Variants in HSH2D observed in about 807,000 individuals in gnomAD.
The protein encoded by HSH2D is hematopoietic SH2 domain containing, also known as hematopoietic SH2 domain-containing protein.
In HSH2D, 16 loss-of-function variants were observed where a neutral mutation model predicts 21.5. The ratio of observed to expected loss-of-function variants is 0.74; its 90% CI spans 0.50 to 1.13. The LOEUF (loss-of-function observed/expected upper bound fraction) is 1.13, where lower values mean the gene tolerates loss of function less well. HSH2D is among the 50% of genes most tolerant of loss of function. The probability of loss-of-function intolerance (pLI) is 0.00; values close to 1 mark genes in which losing one functional copy is unlikely to be tolerated. For synonymous variants in HSH2D, 172 were observed against 184.7 expected (o/e 0.93, Z 0.56); for missense variants, 418 against 441.4 (o/e 0.95, Z 0.47).
intron 1 of HSH2D, among the ~76,000 whole-genome samples, chr19:16,137,524 C>T (rs2090972042): frequency 6.6e-6 from 1 of 151,184 alleles, no homozygotes. Context: ...TTGCAATGAA[C>T]CTAGATCATG....
chr19:16,140,641 T>TA (rs1223851641), upstream of HSH2D, among the ~76,000 whole-genome samples: 4 of 151,938 alleles, frequency 2.6e-5, no homozygotes, highest in Admixed American at 2.6e-4. Context: ...CTGACACCTG[T>TA]AATCCTAACA....
chr19:16,137,396 C>T (rs758312712), intron 1 of HSH2D, among the ~76,000 whole-genome samples: 4 of 151,832 alleles, frequency 2.6e-5, no homozygotes, highest in Non-Finnish European at 5.9e-5. Flanking sequence ...GGGAGGCCGA[C>T]GTGGGTGGAT....
At position 16,157,438 on chromosome 19, in the gene HSH2D, G is replaced by A; in HGVS notation, c.703G>A (p.Asp235Asn). ...LATVNLSSLL[D>N]VRRSTVISGP... is the part of the protein sequence containing the mutation. The stretch of plus-strand genomic sequence containing the variant: ...CACTGTGAACTTGTCGTCACTCTTG[G>A]ATGTCCGGAGATCCACGGTGATCTC... Residue 235 changes from aspartate (D) to asparagine (N), a missense_variant, in exon 6 of 6, where the codon GAT becomes AAT. Physicochemically the swap from Asp to Asn is conservative, Grantham distance 23 (BLOSUM62 1). Coordinates refer to ENST00000613986, the MANE Select transcript of HSH2D (RefSeq NM_001382417.1). This position sits in a 1 kb window ranked among gnomAD's most constrained non-coding sequence, Gnocchi z 4.4. 1 of 1,613,900 alleles carries A rather than the reference G, an allele frequency of 6.2e-7. No individual in the cohort carries two copies. The highest frequency in any genetic ancestry group is 8.5e-7 in the Non-Finnish European group (1 of 1,179,878).
At position 16,148,547 on chromosome 19, in the gene HSH2D, A is replaced by C. The variant is rs148869448; in HGVS notation, c.-27-177A>C. ...GCAATCCTCCCACCTTGGCCTCCCA[A>C]AGTGCTGGGATTACACATGTGAGCC... On this transcript the variant is annotated intron_variant, in intron 1 of 5. Coordinates refer to ENST00000613986, the MANE Select transcript of HSH2D (RefSeq NM_001382417.1). Among the ~76,000 whole-genome samples the C allele has an allele frequency of 1.2e-3, 176 of 152,262 alleles. 3 individuals carry two copies. In the East Asian group the frequency reaches 0.029, roughly 25 times the overall value.
chr19:16,145,431 T>G (rs2091054744), intron 1 of HSH2D, among the ~76,000 whole-genome samples: 1 of 152,120 alleles, frequency 6.6e-6, no homozygotes, highest in African/African-American at 2.4e-5. Flanking sequence ...CAGGCTGGTC[T>G]CAAACTCCCA....
intron 1 of HSH2D, among the ~76,000 whole-genome samples, chr19:16,137,585 A>G (rs1211494706): frequency 2.0e-5 from 3 of 151,244 alleles, no homozygotes; most frequent in Non-Finnish European, 4.4e-5. Flanking sequence ...TCAAAAAAAA[A>G]AAAAAAGAAA....
At position 16,157,785 on chromosome 19, in the gene HSH2D, G is replaced by T; in HGVS notation, c.1050G>T (p.Gly350=). The change falls in exon 6 of 6, where the codon GGG becomes GGT. Residue 350 remains glycine (G), a synonymous_variant. Transcript: ENST00000613986. This position sits in a 1 kb window ranked among gnomAD's most constrained non-coding sequence, Gnocchi z 4.4. ...AACAACCGCCACCCTTTGCCCCTGG[G>T]TACTGCTAGAGAACAGGTCCACCCT... The part of the protein sequence containing the change: ...EYQQPPPFAP[G]YC 6.3e-7 allele frequency: 1 copy of T among 1,598,962 alleles called. No individual in the cohort carries two copies. The highest frequency in any genetic ancestry group is 8.5e-7 in the Non-Finnish European group (1 of 1,176,128).
At chr19:16,152,517 A>T (rs2091172753) in intron 2 of HSH2D, 35 bp from the exon 3 acceptor site, 1 of 1,367,224 alleles carries the variant, frequency 7.3e-7, no homozygotes, top group Non-Finnish European at 9.7e-7. Context: ...GGGCGGCTGG[A>T]CTGTTTCATT....
chr19:16,140,785 G>A (rs567138511), upstream of HSH2D, among the ~76,000 whole-genome samples: 6 of 152,154 alleles, frequency 3.9e-5, no homozygotes, highest in East Asian at 1.2e-3. Context: ...TACTCAGGAG[G>A]CTGAGATGGG....
At chr19:16,137,853 GT>G (rs1388448524) in intron 1 of HSH2D, among the ~76,000 whole-genome samples, 1 of 152,134 alleles carries the variant, frequency 6.6e-6, no homozygotes, top group Non-Finnish European at 1.5e-5. Context: ...GGGATTACAG[GT>G]GTGAGCCACC....
At chr19:16,140,534 G>C (rs2090992969), upstream of HSH2D, among the ~76,000 whole-genome samples, 1 of 151,990 alleles carries the variant, frequency 6.6e-6, no homozygotes, top group Non-Finnish European at 1.5e-5. Flanking sequence ...GAACCCGGGA[G>C]GTGGAGGTTG....
intron 4 of HSH2D, 127 bp downstream of exon 4, chr19:16,153,335 G>A (rs1009533714): frequency 2.2e-6 from 2 of 926,136 alleles, no homozygotes; most frequent in Non-Finnish European, 3.1e-6. Flanking sequence ...GGCCCCTCCG[G>A]CCCCACCCCA....
At position 16,157,737 on chromosome 19, in the gene HSH2D, C is replaced by T. The variant is rs753804748; in HGVS notation, c.1002C>T (p.Asn334=). ...PEHQGLAEPE[N]DQLPEEYQQP... ...ACCAGGGCTTGGCAGAGCCTGAGAACGACCAGCTCCCGGAGGAGTACCAAC... is the reference window on the plus strand; with the variant it reads ...ACCAGGGCTTGGCAGAGCCTGAGAATGACCAGCTCCCGGAGGAGTACCAAC... The change falls in exon 6 of 6, where the codon AAC becomes AAT. Residue 334 remains asparagine (N), a synonymous_variant. Coordinates refer to ENST00000613986, the MANE Select transcript of HSH2D (RefSeq NM_001382417.1). This position sits in a 1 kb window ranked among gnomAD's most constrained non-coding sequence, Gnocchi z 4.4. 29 of 1,612,540 alleles carry T rather than the reference C, an allele frequency of 1.8e-5. No homozygotes were observed. The highest frequency in any genetic ancestry group is 1.3e-4 in the African/African-American group (10 of 74,882).
chr19:16,152,433 GAAAAAA>G (rs1391129267), intron 2 of HSH2D, 113 bp from the exon 3 acceptor site: 2 of 547,224 alleles, frequency 3.7e-6, no homozygotes, highest in Admixed American at 7.8e-5. Context: ...AAAAAAAAAG[GAAAAAA>G]GAAAAATGAA....
At chr19:16,141,545 GA>G (rs67546017), upstream of HSH2D, among the ~76,000 whole-genome samples, 373 of 152,016 alleles carry the variant, frequency 2.5e-3, no homozygotes, top group African/African-American at 8.6e-3. Context: ...AAAATCAGAA[GA>G]AAAAAAACTG....
intron 2 of HSH2D, among the ~76,000 whole-genome samples, chr19:16,151,802 G>A (rs375035949): frequency 2.0e-5 from 3 of 150,924 alleles, no homozygotes; most frequent in African/African-American, 7.3e-5. Context: ...TGGGTTTGGG[G>A]TGTTTGTTCA....
In HSH2D at chr19:16,157,077, C is replaced by G; in HGVS notation, c.475-133C>G. ...AGACGAGAAAGATGGGGCATGGGAT[C>G]AGGTTTGGGGGTTCACACGGGGACG... On this transcript the variant is annotated intron_variant, in intron 5 of 5. Coordinates refer to ENST00000613986, the MANE Select transcript of HSH2D (RefSeq NM_001382417.1). This position sits in a 1 kb window ranked among gnomAD's most constrained non-coding sequence, Gnocchi z 4.4. 1.6e-6 allele frequency: 1 copy of G among 610,256 alleles called. No individual in the cohort carries two copies. Among genetic ancestry groups the G allele is most frequent in the Non-Finnish European group, 2.7e-6 (1 of 372,422 alleles). The allele number at this position is 610,256 out of a possible 1,614,324, so 37.8% of individuals were successfully genotyped here. A position where few individuals can be genotyped will look rare whatever the true frequency, so the allele number is the denominator to read the frequency against.
chr19:16,135,299 T>G (rs2090954800), intron 1 of HSH2D, among the ~76,000 whole-genome samples: 1 of 151,592 alleles, frequency 6.6e-6, no homozygotes, highest in African/African-American at 2.4e-5. Flanking sequence ...TATGGTGGCA[T>G]GCACCTGTAG....
intron 5 of HSH2D, 59 bp downstream of exon 5, chr19:16,154,550 G>A (rs746360628): frequency 2.9e-6 from 3 of 1,047,384 alleles, no homozygotes; most frequent in Non-Finnish European, 4.3e-6. Flanking sequence ...GAGTGGAGGT[G>A]GTCAACAGCT....
Sources: gnomAD v4.1 joint callset for allele counts (sites outside exome capture counted in the v4.1 genomes callset) on GRCh38, gnomAD v4.1.1 for gene constraint, Gnocchi (gnomAD v3.1) non-coding constraint, MANE v1.5 for transcripts, NCBI Gene and HGNC (gene_info 2026-07-23, HGNC 2026-07-21) for gene names.